Variants in ZFAND3 observed in about 807,000 individuals in gnomAD.
ZFAND3 encodes AN1-type zinc finger protein 3.
In ZFAND3, 10 loss-of-function variants were observed where a neutral mutation model predicts 29.6. The observed-to-expected ratio is 0.34, with a 90% CI of 0.21 to 0.57. The LOEUF (loss-of-function observed/expected upper bound fraction) is 0.57. Ranked by LOEUF, ZFAND3 falls within the 20% of genes least tolerant of loss-of-function variation. ZFAND3 has a pLI of 0.86. For synonymous variants in ZFAND3, 128 were observed against 112.6 expected (o/e 1.14, Z -0.87); for missense variants, 230 against 304.5 (o/e 0.76, Z 1.82).
In ZFAND3 at chr6:37,948,909, A is replaced by G. The variant is rs561121870; in HGVS notation, c.112+18910A>G. 4.7e-4 allele frequency among the ~76,000 whole-genome samples: 71 copies of G among 152,322 alleles called. 1 individual carries two copies. The highest frequency in any genetic ancestry group is 2.5e-3 in the Admixed American group (39 of 15,304). ...CTTTGCTATTATGAATAGTGCTGCA[A>G]TGAACATATATGTGCATGTGTCTTT... On this transcript the variant is annotated intron_variant, in intron 2 of 5. Coordinates refer to ENST00000287218, the MANE Select transcript of ZFAND3 (RefSeq NM_021943.3).
chr6:37,977,828 T>TTTTCTTTCTTCCTTCC lies in ZFAND3; in HGVS notation c.112+47831_112+47832insTCTTTCTTCCTTCCTT, dbSNP rs70981515. Among the ~76,000 whole-genome samples, 473 of 76,430 alleles carry TTTTCTTTCTTCCTTCC rather than the reference T, an allele frequency of 6.2e-3. 22 individuals carry two copies. Among genetic ancestry groups the TTTTCTTTCTTCCTTCC allele is most frequent in the Non-Finnish European group, 8.0e-3 (309 of 38,866 alleles). The allele number at this position is 76,430 out of a possible 152,430, so 50.1% of individuals were successfully genotyped here. On this transcript the variant is annotated intron_variant, in intron 2 of 5. Transcript: ENST00000287218. ...TGAATGTTGAATTTTGTAAAATGCT[T>TTTTCTTTCTTCCTTCC]TTCCTTCCTTCCTTCCTTCCTTCCT...
chr6:37,862,283 G>A (rs1418842145), intron 1 of ZFAND3, among the ~76,000 whole-genome samples: 1 of 152,012 alleles, frequency 6.6e-6, no homozygotes, highest in African/African-American at 2.4e-5. Context: ...AGAAAGAAAT[G>A]GTACAGTAGA....
At chr6:38,039,100 A>G (rs144832048) in intron 2 of ZFAND3, among the ~76,000 whole-genome samples, 1 of 152,338 alleles carries the variant, frequency 6.6e-6, no homozygotes, top group Non-Finnish European at 1.5e-5. Flanking sequence ...ACCTTGGCCT[A>G]AAGGAGTTTG....
At chr6:38,123,403 G>A (rs765110475) in intron 5 of ZFAND3, among the ~76,000 whole-genome samples, 21 of 152,212 alleles carry the variant, frequency 1.4e-4, no homozygotes, top group Non-Finnish European at 1.2e-4. Flanking sequence ...AACCTGTCAG[G>A]AACATTTGGC....
At chr6:37,967,892 G>A (rs530319106) in intron 2 of ZFAND3, among the ~76,000 whole-genome samples, 2 of 152,026 alleles carry the variant, frequency 1.3e-5, no homozygotes, top group Non-Finnish European at 2.9e-5. Context: ...TTCTCTCCAT[G>A]TGGGCTCTCA....
At position 37,996,693 on chromosome 6, in the gene ZFAND3, A is replaced by T. The variant is rs1330378040; in HGVS notation, c.113-64900A>T. Among the ~76,000 whole-genome samples the T allele has an allele frequency of 2.6e-5, 4 of 152,260 alleles. No individual in the cohort carries two copies. In the East Asian group the frequency reaches 7.7e-4, roughly 29 times the overall value. ...AAAAAATTTAAGGAAAAATTTGGTT[A>T]ATTTAATTATCTAAATCATTTTCTG... is the stretch of plus-strand genomic sequence containing the variant. On this transcript the variant is annotated intron_variant, in intron 2 of 5. Transcript: ENST00000287218.
intron 1 of ZFAND3, among the ~76,000 whole-genome samples, chr6:37,836,706 A>G (rs945576533): frequency 6.6e-6 from 1 of 152,198 alleles, no homozygotes; most frequent in African/African-American, 2.4e-5. Context: ...TCATGAATCT[A>G]ACCATCATGA....
intron 2 of ZFAND3, among the ~76,000 whole-genome samples, chr6:37,986,936 A>G (rs544971635): frequency 6.6e-6 from 1 of 152,354 alleles, no homozygotes; most frequent in East Asian, 1.9e-4. Flanking sequence ...GGCACAGGGA[A>G]TACAAAGATA....
chr6:38,022,961 C>T (rs1011137083), intron 2 of ZFAND3, among the ~76,000 whole-genome samples: 6 of 152,060 alleles, frequency 3.9e-5, no homozygotes, highest in Non-Finnish European at 5.9e-5. Context: ...AGGCAAGGAA[C>T]GGGTATGTGT....
intron 4 of ZFAND3, among the ~76,000 whole-genome samples, chr6:38,086,807 A>G (rs1367631059): frequency 6.6e-6 from 1 of 152,216 alleles, no homozygotes; most frequent in East Asian, 1.9e-4. Flanking sequence ...CTATCAAAAT[A>G]CCAGTGACAT....
chr6:37,888,967 T>C (rs1765047190), intron 1 of ZFAND3, among the ~76,000 whole-genome samples: 1 of 152,236 alleles, frequency 6.6e-6, no homozygotes, highest in Admixed American at 6.5e-5. Flanking sequence ...CACTGTGGAT[T>C]GGAAGCAAAC....
intron 2 of ZFAND3, among the ~76,000 whole-genome samples, chr6:38,038,991 T>C (rs969035840): frequency 6.6e-6 from 1 of 152,180 alleles, no homozygotes; most frequent in Admixed American, 6.5e-5. Context: ...GGTTTGGTTT[T>C]AAGTATCAGA....
At chr6:38,047,328 A>G (rs1166117057) in intron 2 of ZFAND3, among the ~76,000 whole-genome samples, 1 of 150,078 alleles carries the variant, frequency 6.7e-6, no homozygotes, top group Non-Finnish European at 1.5e-5. Context: ...AAAAAAAAAA[A>G]GAAAAGAAAT....
chr6:38,082,783 A>G (rs2127471105), intron 4 of ZFAND3, among the ~76,000 whole-genome samples: 1 of 152,328 alleles, frequency 6.6e-6, no homozygotes, highest in Non-Finnish European at 1.5e-5. Flanking sequence ...CTGAGGGCCA[A>G]GATTGAAATT....
At chr6:38,147,739 T>C (rs1766139620) in intron 5 of ZFAND3, among the ~76,000 whole-genome samples, 1 of 152,200 alleles carries the variant, frequency 6.6e-6, no homozygotes, top group Non-Finnish European at 1.5e-5. Context: ...TGATGTTGAG[T>C]ATTTTTTATT....
chr6:38,031,203 C>G (rs1763553005), intron 2 of ZFAND3, among the ~76,000 whole-genome samples: 1 of 152,096 alleles, frequency 6.6e-6, no homozygotes, highest in Non-Finnish European at 1.5e-5. Flanking sequence ...TTGTTTGCCT[C>G]TGTATTTGGG....
chr6:38,116,901 A>G (rs527660934), intron 5 of ZFAND3, among the ~76,000 whole-genome samples, 162 bp downstream of exon 5: 2 of 152,330 alleles, frequency 1.3e-5, no homozygotes, highest in South Asian at 4.1e-4. Flanking sequence ...AATCAGGAGC[A>G]TAGTATGTTT....
At chr6:38,089,147 C>T (rs1486665388) in intron 4 of ZFAND3, among the ~76,000 whole-genome samples, 1 of 151,796 alleles carries the variant, frequency 6.6e-6, no homozygotes, top group African/African-American at 2.4e-5. Flanking sequence ...TAGAATCTTG[C>T]TTTGTCACCC....
At chr6:38,047,980 T>TTG in intron 2 of ZFAND3, among the ~76,000 whole-genome samples, 1 of 151,494 alleles carries the variant, frequency 6.6e-6, no homozygotes, top group East Asian at 1.9e-4. Context: ...TTTGTTTTTT[T>TTG]TTTTTTTACT....
Sources: gnomAD v4.1 joint callset for allele counts (sites outside exome capture counted in the v4.1 genomes callset) on GRCh38, gnomAD v4.1.1 for gene constraint, MANE v1.5 for transcripts, NCBI Gene and HGNC (gene_info 2026-07-23, HGNC 2026-07-21) for gene names.